The following SSBP3 variants were observed in gnomAD, a reference collection of about 807,000 sequenced individuals.
SSBP3 encodes the protein single-stranded DNA-binding protein 3.
In SSBP3, 5 loss-of-function variants were observed where a neutral mutation model predicts 69.6. The observed-to-expected ratio is 0.07, with a 90% CI of 0.04 to 0.15. The LOEUF (loss-of-function observed/expected upper bound fraction) is 0.15. Ranked by LOEUF, SSBP3 falls within the 10% of genes least tolerant of loss-of-function variation. SSBP3 has a pLI of 1.00. For synonymous variants in SSBP3, 196 were observed against 193.4 expected (o/e 1.01, Z -0.11); for missense variants, 312 against 534.0 (o/e 0.58, Z 4.10).
At chr1:54,253,784 A>G (rs1013394763) in intron 7 of SSBP3, among the ~76,000 whole-genome samples, 11 of 152,246 alleles carry the variant, frequency 7.2e-5, no homozygotes, top group African/African-American at 2.7e-4. Context: ...TGAGTCACCC[A>G]GTGCAGGACC....
intron 4 of SSBP3, among the ~76,000 whole-genome samples, chr1:54,309,074 T>A (rs988068993): frequency 2.0e-5 from 3 of 152,216 alleles, no homozygotes; most frequent in African/African-American, 7.2e-5. Context: ...AGAGACTCAA[T>A]GGGGTCATCT....
At position 54,258,389 on chromosome 1, in the gene SSBP3, A is replaced by C. The variant is rs1454230275; in HGVS notation, c.367-240T>G. Among the ~76,000 whole-genome samples the C allele has an allele frequency of 1.3e-5, 2 of 152,198 alleles. No homozygotes were observed. The highest frequency in any genetic ancestry group is 2.9e-5 in the Non-Finnish European group (2 of 68,028). ...CATTCACAGGGGGTTGAAAGAACAA[A>C]AAATGAAGCACCTCTGTCAAAGCAC... On this transcript the variant is annotated intron_variant, in intron 5 of 17. Transcript: ENST00000610401. The surrounding 1 kb of genome is among the most constrained non-coding windows in gnomAD (Gnocchi z 4.5).
At chr1:54,373,890 C>T (rs775335112) in intron 4 of SSBP3, among the ~76,000 whole-genome samples, 5 of 152,250 alleles carry the variant, frequency 3.3e-5, no homozygotes, top group South Asian at 2.1e-4. Context: ...CTGGGCTGAC[C>T]GTGGGAGACA....
intron 4 of SSBP3, among the ~76,000 whole-genome samples, chr1:54,312,815 C>T (rs1646027069): frequency 6.6e-6 from 1 of 152,190 alleles, no homozygotes. Context: ...TGCCATACTG[C>T]AGCCTTTGGG....
At position 54,296,083 on chromosome 1, in the gene SSBP3, C is replaced by T. The variant is rs537324710; in HGVS notation, c.277-14556G>A. On this transcript the variant is annotated intron_variant, in intron 4 of 17. Transcript: ENST00000610401. ...AGGAGCTTTCTGGACAAAGCTAGGC[C>T]TGGTTCTTCTGGGACATTTCTCCCT... is the stretch of plus-strand genomic sequence containing the variant. 4.6e-5 allele frequency among the ~76,000 whole-genome samples: 7 copies of T among 152,350 alleles called. No homozygotes were observed. The East Asian group carries it at 1.3e-3, about 29-fold the overall frequency.
intron 4 of SSBP3, among the ~76,000 whole-genome samples, chr1:54,362,646 G>A (rs1329715434): frequency 6.6e-6 from 1 of 152,204 alleles, no homozygotes; most frequent in African/African-American, 2.4e-5. Context: ...CACCCTATAA[G>A]CTCCCGGCCT....
chr1:54,338,447 G>A (rs1003818160), intron 4 of SSBP3, among the ~76,000 whole-genome samples: 1 of 152,158 alleles, frequency 6.6e-6, no homozygotes, highest in Non-Finnish European at 1.5e-5. Context: ...GCACATGGCT[G>A]CCCGCCTATG....
chr1:54,255,784 G>A (rs949368066), intron 7 of SSBP3: 15 of 152,166 alleles, frequency 9.9e-5, no homozygotes, highest in Admixed American at 3.9e-4. Context: ...ATTAAAGCTG[G>A]AGAGCTGGCC....
chr1:54,390,106 C>T (rs1275446082), intron 4 of SSBP3, among the ~76,000 whole-genome samples: 1 of 152,136 alleles, frequency 6.6e-6, no homozygotes, highest in East Asian at 1.9e-4. Context: ...GTTATCAGTT[C>T]TTCCGTCACG....
At chr1:54,324,384 G>A (rs980892440) in intron 4 of SSBP3, among the ~76,000 whole-genome samples, 1 of 152,152 alleles carries the variant, frequency 6.6e-6, no homozygotes, top group South Asian at 2.1e-4. Flanking sequence ...TCGAGAAGCC[G>A]GCTGCATTCT....
chr1:54,266,273 G>A lies in SSBP3; in HGVS notation c.367-8124C>T, dbSNP rs553065533. ...AGGGCAAAGGCTGGTCTTGGCTGCA[G>A]CACAAGGACCCCAAGAGCACAGCCA... On this transcript the variant is annotated intron_variant, in intron 5 of 17. Coordinates refer to ENST00000610401, the Ensembl canonical transcript of SSBP3. Among the ~76,000 whole-genome samples the A allele has an allele frequency of 3.9e-5, 6 of 152,342 alleles. No individual in the cohort carries two copies. In the East Asian group the frequency reaches 1.2e-3, roughly 29 times the overall value.
intron 5 of SSBP3, among the ~76,000 whole-genome samples, chr1:54,262,058 A>G (rs1645025480): frequency 6.6e-6 from 1 of 152,290 alleles, no homozygotes; most frequent in South Asian, 2.1e-4. Flanking sequence ...TCCCATTTGC[A>G]TCTCTTTTAG....
chr1:54,363,576 T>C (rs374887735), intron 4 of SSBP3, among the ~76,000 whole-genome samples: 15 of 152,054 alleles, frequency 9.9e-5, no homozygotes, highest in South Asian at 6.2e-4. Context: ...CTCAAAGAAA[T>C]AGACTGAAAA....
chr1:54,370,912 C>G (rs959869751), intron 4 of SSBP3, among the ~76,000 whole-genome samples: 4 of 151,938 alleles, frequency 2.6e-5, no homozygotes, highest in Non-Finnish European at 4.4e-5. Flanking sequence ...ATCCCAGTGT[C>G]TTTGGTGTTC....
At chr1:54,251,476 GA>G in intron 9 of SSBP3, 139 bp downstream of exon 9, 4 of 945,280 alleles carry the variant, frequency 4.2e-6, no homozygotes, top group Non-Finnish European at 6.5e-6. Flanking sequence ...AAGCGGACAG[GA>G]GCAGGGGATG....
intron 17 of SSBP3, among the ~76,000 whole-genome samples, chr1:54,228,004 C>T (rs568754730): frequency 2.6e-5 from 4 of 152,292 alleles, no homozygotes; most frequent in East Asian, 1.9e-4. Context: ...CTCTCCCGGC[C>T]GTATCAGCTT....
exon 13 of SSBP3, chr1:54,240,957 T>A: frequency 6.2e-7 from 1 of 1,605,256 alleles, no homozygotes; most frequent in Non-Finnish European, 8.5e-7. Context: ...CACCAGGGGG[T>A]CCCTAAAGAT....
chr1:54,247,812 C>T (rs187723311), intron 9 of SSBP3, among the ~76,000 whole-genome samples: 44 of 152,326 alleles, frequency 2.9e-4, no homozygotes, highest in Admixed American at 7.8e-4. Flanking sequence ...GTTTTAGCTT[C>T]GTCCTATTAG....
intron 4 of SSBP3, among the ~76,000 whole-genome samples, chr1:54,297,090 T>G (rs577002567): frequency 6.6e-6 from 1 of 152,292 alleles, no homozygotes; most frequent in Admixed American, 6.5e-5. Context: ...GGGATTTTCT[T>G]CCTGGCTGGA....
Sources: allele counts gnomAD v4.1 joint callset (sites outside exome capture counted in the v4.1 genomes callset), GRCh38; gene constraint gnomAD v4.1.1; non-coding constraint Gnocchi (gnomAD v3.1); transcripts MANE v1.5; gene names NCBI Gene and HGNC (gene_info 2026-07-23, HGNC 2026-07-21).